VPS13B: variants seen among roughly 807,000 people sequenced by gnomAD.
VPS13B encodes intermembrane lipid transfer protein VPS13B.
In VPS13B, 285 loss-of-function variants were observed where a neutral mutation model predicts 426.4. The ratio of observed to expected loss-of-function variants is 0.67; its 90% CI spans 0.61 to 0.74. The LOEUF (loss-of-function observed/expected upper bound fraction) is 0.74, where lower values mean the gene tolerates loss of function less well. Among genes scored for constraint, VPS13B ranks in the 30% least tolerant of loss-of-function variants. VPS13B has a pLI of 0.00. For missense variants in VPS13B, 4,537 were observed against 4,782.6 expected, an observed-to-expected ratio of 0.95 and a Z score of 1.51; for synonymous variants, 1,676 against 1,676.4, an observed-to-expected ratio of 1.00 and a Z score of 0.01.
At chr8:99,581,115 C>T (rs557960573) in intron 33 of VPS13B, among the ~76,000 whole-genome samples, 32 of 148,942 alleles carry the variant, frequency 2.1e-4, no homozygotes, top group Non-Finnish European at 3.7e-4. Context: ...CCTGGGAGGT[C>T]GAGGCTGCAG....
chr8:99,610,871 C>T (rs1827819111), intron 33 of VPS13B, among the ~76,000 whole-genome samples: 1 of 152,092 alleles, frequency 6.6e-6, no homozygotes, highest in Non-Finnish European at 1.5e-5. Context: ...GAAACCAAGA[C>T]TTTTATCAGC....
intron 25 of VPS13B, among the ~76,000 whole-genome samples, chr8:99,484,263 T>C (rs1820186481): frequency 6.6e-6 from 1 of 152,114 alleles, no homozygotes; most frequent in South Asian, 2.1e-4. Context: ...AATTAGAAAG[T>C]TGAGGATTTT....
At chr8:99,066,482 A>C (rs1212944425) in intron 3 of VPS13B, among the ~76,000 whole-genome samples, 1 of 152,182 alleles carries the variant, frequency 6.6e-6, no homozygotes, top group Non-Finnish European at 1.5e-5. Context: ...CCTTCCTTAC[A>C]CCTTATACAA....
At chr8:99,259,660 C>G (rs1360871544) in intron 17 of VPS13B, among the ~76,000 whole-genome samples, 1 of 152,044 alleles carries the variant, frequency 6.6e-6, no homozygotes, top group Non-Finnish European at 1.5e-5. Flanking sequence ...CAACTCTGTC[C>G]TCATTCAGAT....
chr8:99,020,228 A>G (rs932977582), intron 2 of VPS13B, among the ~76,000 whole-genome samples: 1 of 152,092 alleles, frequency 6.6e-6, no homozygotes, highest in African/African-American at 2.4e-5. Flanking sequence ...CATTTCTCAA[A>G]TGATTAGTGA....
intron 3 of VPS13B, among the ~76,000 whole-genome samples, chr8:99,076,649 G>T: frequency 7.5e-6 from 1 of 133,006 alleles, no homozygotes; most frequent in Non-Finnish European, 1.6e-5. Context: ...TTTAAAGTCT[G>T]TTTTATCTCA....
chr8:99,850,512 A>G (rs1816234952), intron 55 of VPS13B, among the ~76,000 whole-genome samples: 1 of 152,198 alleles, frequency 6.6e-6, no homozygotes, highest in Non-Finnish European at 1.5e-5. Context: ...TGTAATTATT[A>G]TTTGATTTCT....
intron 17 of VPS13B, among the ~76,000 whole-genome samples, chr8:99,269,655 C>T (rs1169705887): frequency 2.0e-5 from 3 of 152,160 alleles, no homozygotes; most frequent in Admixed American, 6.5e-5. Context: ...AGCTTATTTG[C>T]TCTTTTTGTT....
At chr8:99,566,401 A>G (rs1188415739) in intron 31 of VPS13B, among the ~76,000 whole-genome samples, 1 of 151,914 alleles carries the variant, frequency 6.6e-6, no homozygotes, top group Non-Finnish European at 1.5e-5. Flanking sequence ...CCAACTGACC[A>G]AAGCCCTAAA....
At chr8:99,448,725 A>G (rs745445406) in intron 23 of VPS13B, among the ~76,000 whole-genome samples, 1 of 152,088 alleles carries the variant, frequency 6.6e-6, no homozygotes, top group Non-Finnish European at 1.5e-5. Flanking sequence ...GTCCTCAGTC[A>G]TTTGCTATTT....
chr8:99,503,877 A>G (rs1821361052), intron 27 of VPS13B, among the ~76,000 whole-genome samples: 1 of 152,232 alleles, frequency 6.6e-6, no homozygotes, highest in African/African-American at 2.4e-5. Flanking sequence ...ACCTCCTCCC[A>G]TGAATCATGA....
intron 33 of VPS13B, among the ~76,000 whole-genome samples, chr8:99,597,670 T>A (rs1428451706): frequency 6.6e-6 from 1 of 151,982 alleles, no homozygotes; most frequent in Non-Finnish European, 1.5e-5. Flanking sequence ...ACAGTAAGGA[T>A]AACAAAGTGG....
At chr8:99,563,418 A>G (rs965930901) in intron 31 of VPS13B, among the ~76,000 whole-genome samples, 13 of 152,340 alleles carry the variant, frequency 8.5e-5, no homozygotes, top group South Asian at 8.3e-4. Context: ...CAAGATAAAT[A>G]TATTCCATAT....
chr8:99,624,035 G>C (rs1280725561), intron 33 of VPS13B, among the ~76,000 whole-genome samples: 1 of 39,632 alleles, frequency 2.5e-5, no homozygotes, highest in Non-Finnish European at 4.8e-5. Flanking sequence ...TTTTTTTTCT[G>C]TGTGAACCCA....
intron 3 of VPS13B, among the ~76,000 whole-genome samples, 153 bp downstream of exon 3, chr8:99,038,719 G>A (rs1842849720): frequency 1.9e-5 from 2 of 106,568 alleles, no homozygotes; most frequent in South Asian, 5.7e-4. Context: ...ATAGAGTCTT[G>A]CTCTGTTGCC....
At chr8:99,500,714 C>T (rs914037617) in intron 25 of VPS13B, among the ~76,000 whole-genome samples, 2 of 152,096 alleles carry the variant, frequency 1.3e-5, no homozygotes, top group Non-Finnish European at 2.9e-5. Context: ...GGTTTAAGCT[C>T]GCAAGTTTTG....
intron 30 of VPS13B, among the ~76,000 whole-genome samples, chr8:99,534,400 C>A (rs1823085892): frequency 6.6e-6 from 1 of 152,176 alleles, no homozygotes; most frequent in East Asian, 1.9e-4. Flanking sequence ...ATACTTTCTT[C>A]TAGAAATTCA....
At chr8:99,809,594 T>C (rs1813594590) in intron 44 of VPS13B, 64 bp downstream of exon 44, 1 of 1,595,388 alleles carries the variant, frequency 6.3e-7, no homozygotes, top group Non-Finnish European at 8.6e-7. Context: ...GAGATGAAAA[T>C]AATTAATAAT....
intron 5 of VPS13B, among the ~76,000 whole-genome samples, chr8:99,106,306 G>T (rs1847039841): frequency 6.6e-6 from 1 of 151,284 alleles, no homozygotes; most frequent in Admixed American, 6.6e-5. Context: ...ACGGTGGCAG[G>T]TGCCTGTAAT....
Sources: gnomAD v4.1 joint callset for allele counts (sites outside exome capture counted in the v4.1 genomes callset) on GRCh38, gnomAD v4.1.1 for gene constraint, MANE v1.5 for transcripts, NCBI Gene and HGNC (gene_info 2026-07-23, HGNC 2026-07-21) for gene names.